Variants in PUS7L observed in about 807,000 individuals in gnomAD.
PUS7L encodes pseudouridylate synthase PUS7L.
A neutral mutation model predicts 51.1 loss-of-function variants in PUS7L; 49 were observed. That is an observed-to-expected ratio of 0.96 (90% CI 0.76 to 1.22). PUS7L has a LOEUF of 1.22. Ranked by LOEUF, PUS7L falls within the 50% of genes most tolerant of loss-of-function variation. The pLI is 0.00. For missense variants in PUS7L, 828 were observed against 820.6 expected (o/e 1.01, Z -0.11); for synonymous variants, 277 against 276.2 (o/e 1.00, Z -0.03).
chr12:43,732,705 C>A (rs17093632), intron 7 of PUS7L, among the ~76,000 whole-genome samples: 2,803 of 152,316 alleles, frequency 0.018, 58 homozygotes, highest in South Asian at 0.071. Flanking sequence ...TCACACGGTA[C>A]AGTGTCTAGA....
chr12:43,725,824 T>A lies in PUS7L; in HGVS notation c.*4552A>T, dbSNP rs1036610958. The A allele has an allele frequency of 6.6e-6, 1 of 152,184 alleles. No homozygotes were observed. The highest frequency in any genetic ancestry group is 1.5e-5 in the Non-Finnish European group (1 of 68,030). The allele number at this position is 152,184 out of a possible 1,614,324, so 9.4% of individuals were successfully genotyped here. On this transcript the variant is annotated 3_prime_UTR_variant, in exon 9 of 9. Transcript: ENST00000344862. The stretch of plus-strand genomic sequence containing the variant: ...GACCTTGATTAGGTTAGTAAACTAC[T>A]CAGGTATGTTTCCAATCTGCAAATA...
chr12:43,730,429 CATCAAG>C lies in PUS7L; in HGVS notation c.2047_2052del (p.Leu683_Asp684del). The C allele has an allele frequency of 6.2e-7, 1 of 1,613,762 alleles. No individual in the cohort carries two copies. Among genetic ancestry groups the C allele is most frequent in the Non-Finnish European group, 8.5e-7 (1 of 1,179,820 alleles). ...AGACAAACGGTAGCATAGCATGAAG[CATCAAG>C]ATCAAAAGAGATCAAAAGAGACAAA... On this transcript the variant is annotated inframe_deletion, in exon 9 of 9. Transcript: ENST00000344862.
At chr12:43,749,266 T>A (rs1938326665) in intron 2 of PUS7L, among the ~76,000 whole-genome samples, 1 of 152,220 alleles carries the variant, frequency 6.6e-6, no homozygotes, top group African/African-American at 2.4e-5. Context: ...TTCAACAGTT[T>A]TGTACTTTCG....
chr12:43,741,453 G>C (rs1038762358), intron 5 of PUS7L, among the ~76,000 whole-genome samples: 14 of 152,326 alleles, frequency 9.2e-5, no homozygotes, highest in Non-Finnish European at 1.6e-4. Context: ...GAAAAGTTAA[G>C]TACCTATAGT....
intron 2 of PUS7L, among the ~76,000 whole-genome samples, chr12:43,752,849 T>G (rs1392079893): frequency 2.6e-5 from 4 of 152,200 alleles, no homozygotes. Flanking sequence ...ATGCCACTGA[T>G]ACTTAAAAAT....
In PUS7L at chr12:43,730,585, G is replaced by C; in HGVS notation, c.1897C>G (p.Leu633Val). ...LQTCRFKVPT[L>V]KLNIPGCYRQ... ...TAGCAACCTGGTATATTCAGTTTCA[G>C]AGTAGGTACTTTAAACCTACATGTC... Residue 633 changes from leucine to valine, a missense_variant, in exon 9 of 9, where the codon CTG becomes GTG. Physicochemically the swap from Leu to Val is conservative, Grantham distance 32. Transcript: ENST00000344862. 3 of 1,613,566 alleles carry C rather than the reference G, an allele frequency of 1.9e-6. No homozygotes were observed. The highest frequency in any genetic ancestry group is 2.5e-6 in the Non-Finnish European group (3 of 1,179,596).
At chr12:43,755,388 T>A in intron 1 of PUS7L, 127 bp from the exon 2 acceptor site, 1 of 601,166 alleles carries the variant, frequency 1.7e-6, no homozygotes, top group Non-Finnish European at 2.9e-6. Context: ...TTAAATGGTA[T>A]CATTAACTTA....
chr12:43,728,983 C>T lies in PUS7L; in HGVS notation c.*1393G>A. The T allele has an allele frequency of 2.9e-6, 1 of 343,570 alleles. No homozygotes were observed. Among genetic ancestry groups the T allele is most frequent in the Non-Finnish European group, 5.2e-6 (1 of 190,646 alleles). 21.3% of individuals were successfully genotyped at this position (343,570 alleles called of 1,614,324 possible). ...TGTCTCCAATATCTGTGCTTTTAAT[C>T]ACTATGCTAACATGTCTCTTATTTG... On this transcript the variant is annotated 3_prime_UTR_variant, in exon 9 of 9. Transcript: ENST00000344862.
In PUS7L at chr12:43,730,568, T is replaced by A. The variant is rs1458172476; in HGVS notation, c.1914A>T (p.Pro638=). 1.2e-6 allele frequency: 2 copies of A among 1,613,856 alleles called. No homozygotes were observed. The highest frequency in any genetic ancestry group is 1.7e-6 in the Non-Finnish European group (2 of 1,179,810). Residue 638 remains proline, a synonymous_variant, in exon 9 of 9, where the codon CCA becomes CCT. Coordinates refer to ENST00000344862, the MANE Select transcript of PUS7L (RefSeq NM_031292.5). ...FKVPTLKLNI[P]GCYRQILKHP... ...GTTTCAAAATCTGTCTATAGCAACC[T>A]GGTATATTCAGTTTCAGAGTAGGTA...
chr12:43,736,144 G>A (rs1199022679), intron 7 of PUS7L, among the ~76,000 whole-genome samples: 2 of 152,044 alleles, frequency 1.3e-5, no homozygotes, highest in Admixed American at 1.3e-4. Flanking sequence ...TTTTTTAAAG[G>A]AAGCTTTACT....
Position 43,736,509 on chromosome 12 carries a change from C to T in PUS7L, c.1597G>A (p.Ala533Thr), listed in dbSNP as rs762970595. 6.3e-5 allele frequency: 101 copies of T among 1,614,062 alleles called. No individual in the cohort carries two copies. Among genetic ancestry groups the T allele is most frequent in the Non-Finnish European group, 7.5e-5 (89 of 1,180,032 alleles). The change falls in exon 7 of 9, where the codon GCA becomes ACA. Residue 533 changes from alanine (A) to threonine (T), a missense_variant. By Grantham distance (58) the Ala-to-Thr change is moderately conservative (BLOSUM62 0). Transcript: ENST00000344862. ...PHSMRIFYVH[A>T]YTSKIWNEAV... Reference sequence around the variant, plus strand: ...TCATTCCAAATTTTGCTGGTATATGCGTGAACATAGAATATGCGCATGGAA... The same window carrying T: ...TCATTCCAAATTTTGCTGGTATATGTGTGAACATAGAATATGCGCATGGAA...
At chr12:43,742,997 G>A (rs1326706792) in intron 4 of PUS7L, among the ~76,000 whole-genome samples, 1 of 152,132 alleles carries the variant, frequency 6.6e-6, no homozygotes, top group Non-Finnish European at 1.5e-5. Flanking sequence ...ACATATCCTG[G>A]CTCTTTTCTA....
chr12:43,752,691 G>A (rs1301864177), intron 2 of PUS7L, among the ~76,000 whole-genome samples: 1 of 152,120 alleles, frequency 6.6e-6, no homozygotes, highest in Non-Finnish European at 1.5e-5. Flanking sequence ...CTAATCCATA[G>A]AGACAGAATG....
chr12:43,748,511 G>A lies in PUS7L; in HGVS notation c.1009C>T (p.Leu337Phe), dbSNP rs1766990856. Reference sequence around the variant, plus strand: ...TAGGTGATGGCTTTCTTGTCTTTAAGGCCTGCATAACTAAAATCCGAAGGA... The same window carrying A: ...TAGGTGATGGCTTTCTTGTCTTTAAAGCCTGCATAACTAAAATCCGAAGGA... Reference protein sequence around the residue: ...VIPSDFSYAGLKDKKAITYQA... With the variant: ...VIPSDFSYAGFKDKKAITYQA... The change falls in exon 3 of 9, where the codon CTT becomes TTT. Residue 337 changes from leucine to phenylalanine, a missense_variant. Coordinates refer to ENST00000344862, the MANE Select transcript of PUS7L (RefSeq NM_031292.5). 4 of 1,611,196 alleles carry A rather than the reference G, an allele frequency of 2.5e-6. No individual in the cohort carries two copies. Among genetic ancestry groups the A allele is most frequent in the Admixed American group, 1.7e-5 (1 of 59,538 alleles).
At chr12:43,742,585 G>A (rs968280872) in intron 4 of PUS7L, 30 bp from the exon 5 acceptor site, 1 of 1,528,724 alleles carries the variant, frequency 6.5e-7, no homozygotes, top group South Asian at 1.2e-5. Flanking sequence ...AACAAATTAA[G>A]AGTATATAAA....
chr12:43,752,042 T>C (rs1723731353), intron 2 of PUS7L, among the ~76,000 whole-genome samples: 1 of 152,218 alleles, frequency 6.6e-6, no homozygotes, highest in Admixed American at 6.5e-5. Flanking sequence ...CACTTTTTGA[T>C]GGGGTTGTTT....
rs528293439 is a variant in PUS7L, at chr12:43,720,824, A to T, written c.*9552T>A. ...AGTTTTTTAATTTACACTGCTTGGGATTCACTGAACTTCTTAAATCTGTAC... is the reference window on the plus strand; with the variant it reads ...AGTTTTTTAATTTACACTGCTTGGGTTTCACTGAACTTCTTAAATCTGTAC... On this transcript the variant is annotated 3_prime_UTR_variant, in exon 9 of 9. Transcript: ENST00000344862. 1 of 152,178 alleles carries T rather than the reference A, an allele frequency of 6.6e-6. No homozygotes were observed. 9.4% of individuals were successfully genotyped at this position (152,178 alleles called of 1,614,324 possible).
At chr12:43,758,663 CCCCA>C (rs1252547005) in intron 1 of PUS7L, 63 bp downstream of exon 1, 169 of 761,498 alleles carry the variant, frequency 2.2e-4, no homozygotes, top group Middle Eastern at 6.5e-4. Context: ...CACCCCCCCC[CCCCA>C]CACACACACA....
In PUS7L at chr12:43,720,929, C is replaced by T. The variant is rs146764800; in HGVS notation, c.*9447G>A. 1 of 152,126 alleles carries T rather than the reference C, an allele frequency of 6.6e-6. No homozygotes were observed. Among genetic ancestry groups the T allele is most frequent in the Non-Finnish European group, 1.5e-5 (1 of 68,034 alleles). The allele number at this position is 152,126 out of a possible 1,614,324, so 9.4% of individuals were successfully genotyped here. A position where few individuals can be genotyped will look rare whatever the true frequency, so the allele number is the denominator to read the frequency against. ...CCTAACTGCATTCTATATGTGTCCTCATCTATAAAATGAAAATAATAACAG... is the reference window on the plus strand; with the variant it reads ...CCTAACTGCATTCTATATGTGTCCTTATCTATAAAATGAAAATAATAACAG... On this transcript the variant is annotated 3_prime_UTR_variant, in exon 9 of 9. Coordinates refer to ENST00000344862, the MANE Select transcript of PUS7L (RefSeq NM_031292.5).
Sources: gnomAD v4.1 joint callset for allele counts (sites outside exome capture counted in the v4.1 genomes callset) on GRCh38, gnomAD v4.1.1 for gene constraint, MANE v1.5 for transcripts, NCBI Gene and HGNC (gene_info 2026-07-23, HGNC 2026-07-21) for gene names.